COBL: variants seen among roughly 807,000 people sequenced by gnomAD.
COBL encodes the protein protein cordon-bleu.
A neutral mutation model predicts 98.8 loss-of-function variants in COBL; 51 were observed. The ratio of observed to expected loss-of-function variants is 0.52; its 90% CI spans 0.41 to 0.65. The LOEUF (loss-of-function observed/expected upper bound fraction) is 0.65. COBL is among the 30% of genes least tolerant of loss of function. The probability of loss-of-function intolerance (pLI) is 0.00; values close to 1 mark genes in which losing one functional copy is unlikely to be tolerated. For synonymous variants in COBL, 634 were observed against 651.7 expected, an observed-to-expected ratio of 0.97 and a Z score of 0.41; for missense variants, 1,617 against 1,617.5, an observed-to-expected ratio of 1.00 and a Z score of 0.01.
At chr7:51,224,759 G>A (rs1794019282) in intron 1 of COBL, among the ~76,000 whole-genome samples, 1 of 152,208 alleles carries the variant, frequency 6.6e-6, no homozygotes, top group East Asian at 1.9e-4. Flanking sequence ...AGGTTCAAGT[G>A]ATTCTCCTGC....
intron 2 of COBL, among the ~76,000 whole-genome samples, chr7:51,209,267 C>G (rs74975388): frequency 0.049 from 7,450 of 152,166 alleles, 275 homozygotes; most frequent in Middle Eastern, 0.14. Flanking sequence ...CTCATTGATA[C>G]AAACAACGCT....
chr7:51,191,506 T>C (rs1790113023), intron 3 of COBL, among the ~76,000 whole-genome samples: 1 of 150,896 alleles, frequency 6.6e-6, no homozygotes, highest in East Asian at 1.9e-4. Context: ...AGTCAAAATA[T>C]CCACATAAAT....
intron 6 of COBL, among the ~76,000 whole-genome samples, chr7:51,107,770 A>C (rs577793802): frequency 1.3e-5 from 2 of 152,114 alleles, no homozygotes; most frequent in African/African-American, 4.8e-5. Flanking sequence ...GACAGGATCC[A>C]CCTCACAGTC....
chr7:51,026,791 G>A (rs1337856899), intron 10 of COBL, 126 bp from the exon 11 acceptor site: 28 of 1,173,022 alleles, frequency 2.4e-5, no homozygotes, highest in South Asian at 7.6e-5. Context: ...CCATCTACTC[G>A]GGAGGCTGTG....
intron 6 of COBL, among the ~76,000 whole-genome samples, chr7:51,098,320 A>C (rs145698262): frequency 7.4e-4 from 112 of 151,360 alleles, no homozygotes; most frequent in African/African-American, 2.6e-3. Flanking sequence ...GAGGGGAAGA[A>C]AACAATAAAA....
intron 12 of COBL, among the ~76,000 whole-genome samples, chr7:51,017,972 T>A (rs1306216974): frequency 6.6e-6 from 1 of 152,174 alleles, no homozygotes; most frequent in Admixed American, 6.5e-5. Flanking sequence ...CTCTATAACT[T>A]CAGTTTCTTC....
At chr7:51,295,614 A>G (rs1294361943) in intron 1 of COBL, among the ~76,000 whole-genome samples, 1 of 152,170 alleles carries the variant, frequency 6.6e-6, no homozygotes, top group East Asian at 1.9e-4. Flanking sequence ...TCCTGGAGAC[A>G]AGGATATGTA....
At chr7:51,073,234 G>T (rs1792735983) in intron 7 of COBL, 6 of 515,162 alleles carry the variant, frequency 1.2e-5, no homozygotes, top group South Asian at 3.1e-5. Context: ...TAAATTCTGG[G>T]TATACAATGA....
At chr7:51,203,650 C>T (rs948598178) in intron 2 of COBL, among the ~76,000 whole-genome samples, 3 of 151,684 alleles carry the variant, frequency 2.0e-5, no homozygotes, top group Admixed American at 6.6e-5. Flanking sequence ...GGATAAATTC[C>T]TCGACATGTA....
Position 51,028,718 on chromosome 7 carries a change from GA to G in COBL, c.2377del (p.Ser793ProfsTer37). On this transcript the variant is annotated frameshift_variant, in exon 10 of 13. Coordinates refer to ENST00000265136, the MANE Select transcript of COBL (RefSeq NM_015198.5). LOFTEE classifies it high-confidence loss of function. ...CTGCGTCTGCGTGGGCACAGGGGTG[GA>G]GGGGGGTCCCCTGGCAGAGCTCTCT... ...PSESSARGPP[S>X]TPVPTQTQNP... 1 of 1,614,086 alleles carries G rather than the reference GA, an allele frequency of 6.2e-7. No individual in the cohort carries two copies. Among genetic ancestry groups the G allele is most frequent in the Non-Finnish European group, 8.5e-7 (1 of 1,179,994 alleles).
chr7:51,067,127 G>A (rs1290195416), intron 7 of COBL, among the ~76,000 whole-genome samples: 1 of 152,184 alleles, frequency 6.6e-6, no homozygotes, highest in Non-Finnish European at 1.5e-5. Flanking sequence ...GGTGGCGTGG[G>A]GGTGGGGAAG....
intron 1 of COBL, among the ~76,000 whole-genome samples, chr7:51,288,363 G>A (rs1363750306): frequency 6.6e-6 from 1 of 151,306 alleles, no homozygotes; most frequent in East Asian, 1.9e-4. Flanking sequence ...GAACCCGGGA[G>A]GCAGAGGTTG....
At chr7:51,294,551 G>A (rs1239538434) in intron 1 of COBL, among the ~76,000 whole-genome samples, 2 of 149,448 alleles carry the variant, frequency 1.3e-5, no homozygotes, top group African/African-American at 4.9e-5. Context: ...GCTGAGGTGG[G>A]AGAATCACTT....
intron 6 of COBL, among the ~76,000 whole-genome samples, chr7:51,101,681 C>T (rs7799631): frequency 0.024 from 3,646 of 152,320 alleles, 147 homozygotes; most frequent in African/African-American, 0.083. Context: ...AAGCACCCAC[C>T]TACTGGGCAT....
At chr7:51,019,487 T>C (rs961746547) in intron 12 of COBL, among the ~76,000 whole-genome samples, 1 of 152,194 alleles carries the variant, frequency 6.6e-6, no homozygotes, top group African/African-American at 2.4e-5. Flanking sequence ...GGAGGCTTTC[T>C]GAAGACGTGA....
At chr7:51,128,587 G>A (rs928266159) in intron 6 of COBL, among the ~76,000 whole-genome samples, 1 of 152,206 alleles carries the variant, frequency 6.6e-6, no homozygotes. Flanking sequence ...ATTTTGTGTG[G>A]CCATTGCACC....
In COBL at chr7:51,027,922, T is replaced by C; in HGVS notation, c.3174A>G (p.Thr1058=). The C allele has an allele frequency of 6.2e-7, 1 of 1,614,038 alleles. No individual in the cohort carries two copies. The highest frequency in any genetic ancestry group is 2.2e-5 in the East Asian group (1 of 44,872). The change falls in exon 10 of 13, where the codon ACA becomes ACG. Residue 1058 remains threonine, a synonymous_variant. Coordinates refer to ENST00000265136, the MANE Select transcript of COBL (RefSeq NM_015198.5). ...CTCTTTCTAGGAGAATGTGGCTTTCTGTGCCAGACCCTCCTGGAGGGTGGG... is the reference window on the plus strand; with the variant it reads ...CTCTTTCTAGGAGAATGTGGCTTTCCGTGCCAGACCCTCCTGGAGGGTGGG... ...EPSHPPGGSG[T]ESHILLEREE...
chr7:51,017,512 T>C lies in COBL; in HGVS notation c.*39A>G, dbSNP rs866845468. On this transcript the variant is annotated 3_prime_UTR_variant, in exon 13 of 13. Coordinates refer to ENST00000265136, the MANE Select transcript of COBL (RefSeq NM_015198.5). ...TCCTTGAGTGACGCCTGTGGGCATA[T>C]TACAGGTGGGTTTCTGCAATTCTCT... 6.2e-7 allele frequency: 1 copy of C among 1,609,578 alleles called. No individual in the cohort carries two copies. The highest frequency in any genetic ancestry group is 1.3e-5 in the African/African-American group (1 of 74,946).
At chr7:51,276,523 G>A (rs1255146006) in intron 1 of COBL, among the ~76,000 whole-genome samples, 1 of 152,194 alleles carries the variant, frequency 6.6e-6, no homozygotes, top group East Asian at 1.9e-4. Context: ...TTCCCCTCTT[G>A]ATAATGCCAG....
Sources: gnomAD v4.1 joint callset for allele counts (sites outside exome capture counted in the v4.1 genomes callset) on GRCh38, gnomAD v4.1.1 for gene constraint, MANE v1.5 for transcripts, NCBI Gene and HGNC (gene_info 2026-07-23, HGNC 2026-07-21) for gene names.